PCDHGB5: variants seen among roughly 807,000 people sequenced by gnomAD.
The protein encoded by PCDHGB5 is protocadherin gamma-B5.
In PCDHGB5, 48 loss-of-function variants were observed where a neutral mutation model predicts 62.9. The observed-to-expected ratio is 0.76, with a 90% CI of 0.61 to 0.97. The LOEUF is 0.97. Among genes scored for constraint, PCDHGB5 ranks in the 50% least tolerant of loss-of-function variants. The pLI is 0.00. For synonymous variants in PCDHGB5, 474 were observed against 511.2 expected (o/e 0.93, Z 0.98); for missense variants, 1,118 against 1,198.6 (o/e 0.93, Z 0.99).
chr5:141,478,394 G>T (rs2099453142), intron 1 of PCDHGB5: 4 of 1,613,586 alleles, frequency 2.5e-6, no homozygotes, highest in Non-Finnish European at 3.4e-6. Flanking sequence ...TTACCATCAG[G>T]TGTATCTCAC....
chr5:141,433,313 C>T (rs2097582516), intron 1 of PCDHGB5: 5 of 866,388 alleles, frequency 5.8e-6, no homozygotes, highest in Admixed American at 2.8e-5. Context: ...CCCACCTTTG[C>T]CTCCGGTGTA....
chr5:141,412,215 C>T (rs1265657058), intron 1 of PCDHGB5: 1 of 152,240 alleles, frequency 6.6e-6, no homozygotes, highest in Non-Finnish European at 1.5e-5. Flanking sequence ...GACATAAACA[C>T]TTACTTGTTA....
chr5:141,487,361 A>C lies in PCDHGB5; in HGVS notation c.2398-7446A>C. On this transcript the variant is annotated intron_variant, in intron 1 of 3. Transcript: ENST00000617380. This position sits in a 1 kb window ranked among gnomAD's most constrained non-coding sequence, Gnocchi z 5.0. ...TGGAGTCACATGCTTTCCTGCTGGC[A>C]CCTGTGCCTGTCTCACCAGATCTCG... The C allele has an allele frequency of 1.2e-6, 2 of 1,613,834 alleles. No individual in the cohort carries two copies. Among genetic ancestry groups the C allele is most frequent in the East Asian group, 2.2e-5 (1 of 44,860 alleles).
chr5:141,414,854 A>C (rs1191943867), intron 1 of PCDHGB5: 3 of 1,614,230 alleles, frequency 1.9e-6, no homozygotes, highest in Non-Finnish European at 2.5e-6. Context: ...CTGGACCAGA[A>C]CGACAATGCG....
At chr5:141,482,343 A>G (rs1016179369) in intron 1 of PCDHGB5, among the ~76,000 whole-genome samples, 3 of 152,126 alleles carry the variant, frequency 2.0e-5, no homozygotes, top group Non-Finnish European at 2.9e-5. Flanking sequence ...TACTTTGCAA[A>G]CTTGTTGTGA....
At position 141,486,004 on chromosome 5, in the gene PCDHGB5, C is replaced by T; in HGVS notation, c.2398-8803C>T. The T allele has an allele frequency of 6.2e-7, 1 of 1,614,184 alleles. No homozygotes were observed. The highest frequency in any genetic ancestry group is 8.5e-7 in the Non-Finnish European group (1 of 1,180,008). The stretch of plus-strand genomic sequence containing the variant: ...CGGACCTGGGTCCCAGTGGTAACGT[C>T]ACCTTTTATTTCAGTGGTCATACCC... On this transcript the variant is annotated intron_variant, in intron 1 of 3. Coordinates refer to ENST00000617380, the MANE Select transcript of PCDHGB5 (RefSeq NM_018925.3). This position sits in a 1 kb window ranked among gnomAD's most constrained non-coding sequence, Gnocchi z 5.0.
At chr5:141,440,859 T>C (rs1272611201) in intron 1 of PCDHGB5, 1 of 152,076 alleles carries the variant, frequency 6.6e-6, no homozygotes, top group Non-Finnish European at 1.5e-5. Context: ...CCTGTGTTCA[T>C]CTAGGATGTG....
At chr5:141,488,859 G>A (rs1033425540) in intron 1 of PCDHGB5, among the ~76,000 whole-genome samples, 12 of 152,204 alleles carry the variant, frequency 7.9e-5, no homozygotes, top group African/African-American at 2.9e-4. Context: ...GCAGCACGAA[G>A]TGAGTGGGGA....
intron 1 of PCDHGB5, among the ~76,000 whole-genome samples, chr5:141,475,253 A>C (rs2099360990): frequency 6.6e-6 from 1 of 152,200 alleles, no homozygotes; most frequent in Non-Finnish European, 1.5e-5. Flanking sequence ...GTGCTCTACA[A>C]CTGAGATCAT....
chr5:141,429,960 A>C (rs981722031), intron 1 of PCDHGB5, among the ~76,000 whole-genome samples: 2 of 152,244 alleles, frequency 1.3e-5, no homozygotes, highest in African/African-American at 4.8e-5. Flanking sequence ...AGTCAATGCA[A>C]GTTGGAATGC....
At chr5:141,462,893 G>A (rs577241413) in intron 1 of PCDHGB5, among the ~76,000 whole-genome samples, 68 of 152,170 alleles carry the variant, frequency 4.5e-4, no homozygotes, top group African/African-American at 1.4e-3. Context: ...AGTTTGTTTT[G>A]GAAGGCTATT....
At chr5:141,423,120 G>A in intron 1 of PCDHGB5, 1 of 1,613,800 alleles carries the variant, frequency 6.2e-7, no homozygotes. Flanking sequence ...GTACAGCGCG[G>A]GCACTGCTGG....
intron 1 of PCDHGB5, among the ~76,000 whole-genome samples, chr5:141,437,164 T>C (rs1262289843): frequency 1.3e-5 from 2 of 152,226 alleles, no homozygotes; most frequent in Non-Finnish European, 2.9e-5. Flanking sequence ...GTGTTGATTG[T>C]TTTCTGAGAC....
intron 1 of PCDHGB5, chr5:141,409,471 A>T: frequency 6.2e-7 from 1 of 1,613,978 alleles, no homozygotes; most frequent in Non-Finnish European, 8.5e-7. Context: ...TCACCATCGT[A>T]GCCACTGACA....
Position 141,485,373 on chromosome 5 carries a change from C to T in PCDHGB5, c.2398-9434C>T. 2 of 1,614,136 alleles carry T rather than the reference C, an allele frequency of 1.2e-6. No homozygotes were observed. Among genetic ancestry groups the T allele is most frequent in the East Asian group, 2.2e-5 (1 of 44,868 alleles). On this transcript the variant is annotated intron_variant, in intron 1 of 3. Transcript: ENST00000617380. This position sits in a 1 kb window ranked among gnomAD's most constrained non-coding sequence, Gnocchi z 5.7. ...CTGTCAGCTCGCAGGCTGCAGGTCG[C>T]TGGAGAGGTGAACCAAAGACACTTC... is the stretch of plus-strand genomic sequence containing the variant.
Position 141,489,090 on chromosome 5 carries a change from C to CAAA in PCDHGB5, c.2398-5717_2398-5716insAAA. ...CCTGCCCACCCCCGCCACTCGGTGA[C>CAAA]TAAGAACTGCTGCAAGCAGGCAAAC... is the stretch of plus-strand genomic sequence containing the variant. On this transcript the variant is annotated intron_variant, in intron 1 of 3. Transcript: ENST00000617380. The surrounding 1 kb of genome is among the most constrained non-coding windows in gnomAD (Gnocchi z 4.5). 7 of 328,768 alleles carry CAAA rather than the reference C, an allele frequency of 2.1e-5. No homozygotes were observed. The highest frequency in any genetic ancestry group is 6.1e-5 in the Admixed American group (1 of 16,494). The allele number at this position is 328,768 out of a possible 1,614,324, so 20.4% of individuals were successfully genotyped here. A position where few individuals can be genotyped will look rare whatever the true frequency, so the allele number is the denominator to read the frequency against.
At chr5:141,445,855 T>C (rs1432695384) in intron 1 of PCDHGB5, among the ~76,000 whole-genome samples, 1 of 152,222 alleles carries the variant, frequency 6.6e-6, no homozygotes, top group Non-Finnish European at 1.5e-5. Flanking sequence ...CTTAAAATTC[T>C]GGATTTTGTT....
intron 1 of PCDHGB5, among the ~76,000 whole-genome samples, chr5:141,448,948 A>C (rs918513864): frequency 6.6e-6 from 1 of 152,170 alleles, no homozygotes; most frequent in African/African-American, 2.4e-5. Flanking sequence ...GCAACTCAAA[A>C]AAACAAACAA....
chr5:141,427,616 C>T (rs922511046), intron 1 of PCDHGB5: 1 of 693,880 alleles, frequency 1.4e-6, no homozygotes, highest in Non-Finnish European at 2.6e-6. Context: ...GTGAAGTCAA[C>T]GACAATGCTC....
Sources: allele counts gnomAD v4.1 joint callset (sites outside exome capture counted in the v4.1 genomes callset), GRCh38; gene constraint gnomAD v4.1.1; non-coding constraint Gnocchi (gnomAD v3.1); transcripts MANE v1.5; gene names NCBI Gene and HGNC (gene_info 2026-07-23, HGNC 2026-07-21).